Variants in HNRNPH1 observed in about 807,000 individuals in gnomAD.
HNRNPH1 encodes the protein heterogeneous nuclear ribonucleoprotein H.
HNRNPH1 carries 4 observed loss-of-function variants against 58.6 expected under a neutral mutation model. That is an observed-to-expected ratio of 0.07 (90% CI 0.03 to 0.16). The LOEUF is 0.16. HNRNPH1 is among the 10% of genes least tolerant of loss of function. The probability of loss-of-function intolerance (pLI) is 1.00; values close to 1 mark genes in which losing one functional copy is unlikely to be tolerated. For missense variants in HNRNPH1, 271 were observed against 564.2 expected (o/e 0.48, Z 5.26); for synonymous variants, 192 against 189.2 (o/e 1.01, Z -0.12).
Position 179,621,505 on chromosome 5 carries a change from G to A in HNRNPH1, c.98-108C>T, listed in dbSNP as rs1403968674. The A allele has an allele frequency of 9.7e-6, 9 of 924,316 alleles. No homozygotes were observed. The Admixed American group carries it at 1.9e-4, about 20-fold the overall frequency. 57.3% of individuals were successfully genotyped at this position (924,316 alleles called of 1,614,324 possible). On this transcript the variant is annotated intron_variant, in intron 1 of 12. Coordinates refer to ENST00000356731, the Ensembl canonical transcript of HNRNPH1. ...CCCCACTACAAATTACATAACTTGT[G>A]AAGCCTATATATACTGACCACGATA...
intron 4 of HNRNPH1, 44 bp from the exon 6 acceptor site, chr5:179,618,367 A>G (rs756219498): frequency 2.9e-6 from 4 of 1,359,822 alleles, no homozygotes; most frequent in Non-Finnish European, 4.1e-6. Flanking sequence ...GGGAGAGAAA[A>G]CATTAGTTCA....
intron 6 of HNRNPH1, 24 bp downstream of exon 7, chr5:179,617,965 T>G (rs757993508): frequency 6.2e-7 from 1 of 1,613,904 alleles, no homozygotes; most frequent in South Asian, 1.1e-5. Flanking sequence ...ATCCTTCAAC[T>G]GAGAAATTCA....
exon 11 of HNRNPH1, chr5:179,616,211 C>G: frequency 6.2e-7 from 1 of 1,613,946 alleles, no homozygotes; most frequent in Non-Finnish European, 8.5e-7. Flanking sequence ...CGTAGCTGGA[C>G]TGGTTTGCTG....
chr5:179,633,024 A>T (rs1200703200), intron 2 of HNRNPH1, among the ~76,000 whole-genome samples: 2 of 150,874 alleles, frequency 1.3e-5, no homozygotes, highest in Non-Finnish European at 3.0e-5. Context: ...CGCCCAGCTA[A>T]TTTTTTGTAT....
chr5:179,626,409 G>GA (rs1774400765), upstream of HNRNPH1, among the ~76,000 whole-genome samples: 1 of 149,158 alleles, frequency 6.7e-6, no homozygotes, highest in Admixed American at 6.7e-5. Flanking sequence ...TCGGCCAAAG[G>GA]TTTTTTTAAA....
chr5:179,615,272 T>C, intron 12 of HNRNPH1: 2 of 444,604 alleles, frequency 4.5e-6, no homozygotes, highest in Non-Finnish European at 8.0e-6. Flanking sequence ...TTTTTAAAGC[T>C]AAACAAGGCA....
At position 179,617,548 on chromosome 5, in the gene HNRNPH1, A is replaced by G. The variant is rs749194383; in HGVS notation, c.1023T>C (p.Ala341=). The G allele has an allele frequency of 9.3e-6, 15 of 1,614,006 alleles. No individual in the cohort carries two copies. The Admixed American group carries it at 2.2e-4, about 23-fold the overall frequency. ...CTTTGTCTTTTGACATAGCTGCCACAGCATCTTCATGAGTTGCGAACTCGA... is the reference window on the plus strand; with the variant it reads ...CTTTGTCTTTTGACATAGCTGCCACGGCATCTTCATGAGTTGCGAACTCGA... The change falls in exon 8 of 13, where the codon GCT becomes GCC. Residue 341 remains alanine (A), a synonymous_variant. Coordinates refer to ENST00000356731, the Ensembl canonical transcript of HNRNPH1.
rs373213145 is a variant in HNRNPH1 at position 179,619,624 on chromosome 5, T to TA, written c.398-218dup. The TA allele has an allele frequency of 4.5e-3, 1,548 of 342,090 alleles. 5 individuals carry two copies. The highest frequency in any genetic ancestry group is 7.2e-3 in the Middle Eastern group (10 of 1,388). 21.2% of individuals were successfully genotyped at this position (342,090 alleles called of 1,614,324 possible). On this transcript the variant is annotated intron_variant, in intron 3 of 12. Coordinates refer to ENST00000356731, the Ensembl canonical transcript of HNRNPH1. ...AACACACCCATGGTACAGTATATAT[T>TA]AAAAAAAACTTGCTGAACACAGGAT...
chr5:179,621,529 T>C (rs1772314567), intron 1 of HNRNPH1, 132 bp from the exon 3 acceptor site: 2 of 682,834 alleles, frequency 2.9e-6, no homozygotes, highest in Non-Finnish European at 5.0e-6. Context: ...CTGACCACGA[T>C]ATTACCAACT....
chr5:179,617,412 GA>G, intron 8 of HNRNPH1, 101 bp downstream of exon 9: 1 of 1,320,420 alleles, frequency 7.6e-7, no homozygotes, highest in South Asian at 1.4e-5. Context: ...TCTATTACTG[GA>G]GAGGAAACTT....
At position 179,616,807 on chromosome 5, in the gene HNRNPH1, A is replaced by G. The variant is rs1581645121; in HGVS notation, c.1207+62T>C. On this transcript the variant is annotated intron_variant, in intron 10 of 12. Transcript: ENST00000356731. Reference sequence around the variant, plus strand: ...CTTATTAAATAAATAGATTAACTTAACTTATAATTGACTTATACAGATATA... The same window carrying G: ...CTTATTAAATAAATAGATTAACTTAGCTTATAATTGACTTATACAGATATA... 5.3e-6 allele frequency: 7 copies of G among 1,323,570 alleles called. No homozygotes were observed. In the East Asian group the frequency reaches 1.6e-4, roughly 31 times the overall value. The allele number at this position is 1,323,570 out of a possible 1,614,324, so 82.0% of individuals were successfully genotyped here.
intron 8 of HNRNPH1, 193 bp downstream of exon 9, chr5:179,617,320 GA>G: frequency 1.4e-6 from 1 of 736,470 alleles, no homozygotes; most frequent in Non-Finnish European, 2.2e-6. Context: ...TACACTTCAA[GA>G]TGTGCATATC....
intron 1 of HNRNPH1, chr5:179,621,627 T>G (rs1772378198): frequency 1.8e-6 from 1 of 546,438 alleles, no homozygotes; most frequent in Admixed American, 3.4e-5. Flanking sequence ...CAAAGCAGTT[T>G]CAGAATGAAT....
chr5:179,624,526 A>T (rs1774160534), exon 1 of HNRNPH1: 1 of 398,748 alleles, frequency 2.5e-6, no homozygotes, highest in Non-Finnish European at 4.4e-6. Context: ...TGCGCTCGGT[A>T]GGTTACCGCT....
chr5:179,625,959 A>ATTTTTTT (rs1192838060), upstream of HNRNPH1, among the ~76,000 whole-genome samples: 1 of 150,356 alleles, frequency 6.7e-6, no homozygotes, highest in African/African-American at 2.5e-5. Flanking sequence ...TTATTTATTT[A>ATTTTTTT]TTTATTTTTT....
At chr5:179,622,463 C>A (rs1311111427) in intron 1 of HNRNPH1, among the ~76,000 whole-genome samples, 1 of 152,206 alleles carries the variant, frequency 6.6e-6, no homozygotes. Context: ...GTAATCCCAG[C>A]ATTTTGGGAA....
intron 2 of HNRNPH1, among the ~76,000 whole-genome samples, chr5:179,631,119 G>A (rs1562371536): frequency 6.6e-6 from 1 of 152,078 alleles, no homozygotes; most frequent in Non-Finnish European, 1.5e-5. Flanking sequence ...CATGGGGGTA[G>A]TGGGATGGGG....
chr5:179,627,377 T>G (rs1360387930), upstream of HNRNPH1, among the ~76,000 whole-genome samples: 3 of 151,050 alleles, frequency 2.0e-5, no homozygotes, highest in African/African-American at 7.3e-5. Context: ...TTTTTTGTAG[T>G]GATGGGGGTC....
chr5:179,617,644 A>G, exon 8 of HNRNPH1: 1 of 1,612,390 alleles, frequency 6.2e-7, no homozygotes, highest in Non-Finnish European at 8.5e-7. Context: ...TGAGCGGTGA[A>G]AAAAACTACA....
Sources: gnomAD v4.1 joint callset for allele counts (sites outside exome capture counted in the v4.1 genomes callset) on GRCh38, gnomAD v4.1.1 for gene constraint, MANE v1.5 for transcripts, NCBI Gene and HGNC (gene_info 2026-07-23, HGNC 2026-07-21) for gene names.